NAA38: variants seen among roughly 807,000 people sequenced by gnomAD.
The protein encoded by NAA38 is N-alpha-acetyltransferase 38, NatC auxiliary subunit, also known as LSM domain containing 1.
A neutral mutation model predicts 12.6 loss-of-function variants in NAA38; 15 were observed. The observed-to-expected ratio is 1.19, with a 90% CI of 0.79 to 1.83. NAA38 has a LOEUF of 1.83. NAA38 is among the 40% of genes most tolerant of loss of function. The pLI, the probability that NAA38 is intolerant of heterozygous loss-of-function variation, is 0.00. For synonymous variants in NAA38, 88 were observed against 69.9 expected (o/e 1.26, Z -1.29); for missense variants, 183 against 171.7 (o/e 1.07, Z -0.37).
upstream of NAA38, chr17:7,858,202 C>A (rs146292470): frequency 1.7e-5 from 28 of 1,613,830 alleles, no homozygotes; most frequent in Non-Finnish European, 2.3e-5. Flanking sequence ...TTCACGCCGG[C>A]GGAGGTGGCC....
chr17:7,885,087 A>T, intron 1 of NAA38: 1 of 965,642 alleles, frequency 1.0e-6, no homozygotes, highest in Non-Finnish European at 1.2e-6. Flanking sequence ...CCGCCAGGTA[A>T]GCGCCCGCCC....
chr17:7,879,419 G>C (rs1371692348), intron 2 of NAA38, among the ~76,000 whole-genome samples: 3 of 151,976 alleles, frequency 2.0e-5, no homozygotes, highest in African/African-American at 7.3e-5. Flanking sequence ...GTAACACCGT[G>C]AAAACATATG....
chr17:7,859,103 T>G (rs1567813212), upstream of NAA38: 4 of 574,642 alleles, frequency 7.0e-6, no homozygotes, highest in Non-Finnish European at 1.2e-5. Context: ...CACGCCGTTT[T>G]GGACAGCAAT....
At chr17:7,857,765 CTTGT>C, upstream of NAA38, 1 of 1,275,174 alleles carries the variant, frequency 7.8e-7, no homozygotes, top group Non-Finnish European at 9.9e-7. Flanking sequence ...TGCCTCCTCC[CTTGT>C]TTTTCTGTCT....
rs375496712 is a variant in NAA38 at position 7,857,456 on chromosome 17, C to A, written c.8G>T (p.Gly3Val). 2 of 1,539,834 alleles carry A rather than the reference C, an allele frequency of 1.3e-6. No homozygotes were observed. Among genetic ancestry groups the A allele is most frequent in the African/African-American group, 2.8e-5 (2 of 71,972 alleles). The change falls in exon 1 of 3, where the codon GGA (glycine) becomes GTA (valine). Residue 3 changes from glycine (G) to valine (V), a missense_variant. Gly to Val is a moderately radical substitution (Grantham distance 109). Coordinates refer to ENST00000575771, the MANE Select transcript of NAA38 (RefSeq NM_001320925.4). MA[G>V]AGPTMLLREE... is the part of the protein sequence containing the mutation. ...TCGTAGCAGCATGGTCGGTCCAGCTCCGGCCATTTGCCCGGAGGCCTCCTC... is the reference window on the plus strand; with the variant it reads ...TCGTAGCAGCATGGTCGGTCCAGCTACGGCCATTTGCCCGGAGGCCTCCTC...
At chr17:7,866,350 C>T (rs372807840) in intron 3 of NAA38, 21 of 503,544 alleles carry the variant, frequency 4.2e-5, no homozygotes, top group East Asian at 2.1e-4. Context: ...CCTCGTGATC[C>T]GCCCGCCTCG....
upstream of NAA38, chr17:7,857,682 G>A (rs951168303): frequency 1.7e-4 from 226 of 1,321,048 alleles, no homozygotes; most frequent in Non-Finnish European, 2.1e-4. Flanking sequence ...TTAAGATATC[G>A]CGAGACCTTT....
chr17:7,865,932 G>C (rs1457733472), intron 3 of NAA38: 2 of 152,156 alleles, frequency 1.3e-5, no homozygotes, highest in Admixed American at 6.5e-5. Context: ...CTGAGCATCT[G>C]TCAGGCACAG....
chr17:7,857,942 C>A (rs1402964671), upstream of NAA38: 1 of 1,435,846 alleles, frequency 7.0e-7, no homozygotes. Flanking sequence ...TTCCCGTGAA[C>A]ACGTGCAGTC....
At chr17:7,877,636 A>C (rs1323030874) in intron 2 of NAA38, among the ~76,000 whole-genome samples, 1 of 152,136 alleles carries the variant, frequency 6.6e-6, no homozygotes, top group African/African-American at 2.4e-5. Flanking sequence ...TAGCTCTGTA[A>C]TGTCACCCTA....
In NAA38 at chr17:7,856,813, A is replaced by C; in HGVS notation, c.296T>G (p.Leu99Arg). The C allele has an allele frequency of 6.2e-7, 1 of 1,613,950 alleles. No homozygotes were observed. Residue 99 changes from leucine (L) to arginine (R), a missense_variant, in exon 3 of 3, where the codon CTG (leucine) becomes CGG (arginine). By Grantham distance (102) the Leu-to-Arg change is moderately radical. Coordinates refer to ENST00000575771, the MANE Select transcript of NAA38 (RefSeq NM_001320925.4). The stretch of plus-strand genomic sequence containing the variant: ...GTGTCCGGGTACCATGGCCAGGCCC[A>C]GCACACGGGGCTCCCCGGCAGAGAA... Reference protein sequence around the residue: ...DSFSAGEPRVLGLAMVPGHHI... With the variant: ...DSFSAGEPRVRGLAMVPGHHI...
At chr17:7,857,950 G>C, upstream of NAA38, 1 of 1,450,178 alleles carries the variant, frequency 6.9e-7, no homozygotes. Flanking sequence ...AACACGTGCA[G>C]TCCAAACCCC....
At chr17:7,883,574 TG>T (rs1323748061) in intron 1 of NAA38, among the ~76,000 whole-genome samples, 5 of 152,128 alleles carry the variant, frequency 3.3e-5, no homozygotes, top group Non-Finnish European at 7.4e-5. Context: ...TGGACTCCTT[TG>T]AAAAAAACTC....
At chr17:7,865,781 C>T (rs765297732) in intron 3 of NAA38, 4 of 152,168 alleles carry the variant, frequency 2.6e-5, no homozygotes, top group Non-Finnish European at 5.9e-5. Context: ...AGGGGGGTAT[C>T]CAGCCCAGTC....
At chr17:7,869,893 A>G (rs977950820) in intron 2 of NAA38, among the ~76,000 whole-genome samples, 2 of 152,206 alleles carry the variant, frequency 1.3e-5, no homozygotes, top group Non-Finnish European at 2.9e-5. Context: ...CAAATTTATA[A>G]CCTAAAGGAT....
At chr17:7,883,492 G>A (rs1050316964) in intron 1 of NAA38, among the ~76,000 whole-genome samples, 12 of 152,072 alleles carry the variant, frequency 7.9e-5, no homozygotes, top group African/African-American at 2.9e-4. Context: ...AGGGAAAGGG[G>A]AAAAGAGTAA....
intron 1 of NAA38, chr17:7,884,844 A>T: frequency 9.5e-7 from 1 of 1,050,428 alleles, no homozygotes; most frequent in South Asian, 1.6e-5. Context: ...GAGGAGGAGG[A>T]GGAGATGGTG....
chr17:7,876,005 T>C (rs1967169141), intron 2 of NAA38, among the ~76,000 whole-genome samples: 1 of 152,370 alleles, frequency 6.6e-6, no homozygotes, highest in African/African-American at 2.4e-5. Flanking sequence ...TAATATTCCA[T>C]TGTATGGATA....
chr17:7,884,866 G>A (rs1198209571), intron 1 of NAA38: 1 of 1,258,328 alleles, frequency 7.9e-7, no homozygotes. Context: ...TGTCGGAGGA[G>A]GAAGAAGAGG....
Sources: allele counts gnomAD v4.1 joint callset (sites outside exome capture counted in the v4.1 genomes callset), GRCh38; gene constraint gnomAD v4.1.1; transcripts MANE v1.5; gene names NCBI Gene and HGNC (gene_info 2026-07-23, HGNC 2026-07-21).